The following FGF14 variants were observed in gnomAD, a reference collection of about 807,000 sequenced individuals.
The protein encoded by FGF14 is fibroblast growth factor homologous factor 4.
Under a neutral mutation model 25.5 loss-of-function variants are expected in FGF14, and 5 were observed. The observed-to-expected ratio is 0.20, with a 90% CI of 0.10 to 0.41. The LOEUF (loss-of-function observed/expected upper bound fraction) is 0.41, where lower values mean the gene tolerates loss of function less well. Among genes scored for constraint, FGF14 ranks in the 10% least tolerant of loss-of-function variants. FGF14 has a pLI of 1.00. For synonymous variants in FGF14, 138 were observed against 118.3 expected, an observed-to-expected ratio of 1.17 and a Z score of -1.08; for missense variants, 222 against 320.1, an observed-to-expected ratio of 0.69 and a Z score of 2.34.
intron 1 of FGF14, among the ~76,000 whole-genome samples, chr13:102,305,576 C>CATCAGT (rs1259524151): frequency 9.2e-5 from 14 of 152,276 alleles, no homozygotes; most frequent in African/African-American, 3.4e-4. Context: ...ATTGTAATTA[C>CATCAGT]ATCAGTATTT....
chr13:102,187,588 A>T (rs1034308518), intron 1 of FGF14, among the ~76,000 whole-genome samples: 16 of 152,174 alleles, frequency 1.1e-4, no homozygotes, highest in African/African-American at 3.6e-4. Context: ...TCTTCTCCTC[A>T]TTGCTGCTGC....
intron 1 of FGF14, among the ~76,000 whole-genome samples, chr13:102,114,831 G>T (rs369809636): frequency 7.2e-5 from 11 of 152,090 alleles, no homozygotes; most frequent in African/African-American, 2.7e-4. Flanking sequence ...CTGAGGGAAG[G>T]GGGAGAGGAG....
chr13:102,141,826 T>C (rs2046655172), intron 1 of FGF14, among the ~76,000 whole-genome samples: 1 of 152,160 alleles, frequency 6.6e-6, no homozygotes, highest in Admixed American at 6.6e-5. Flanking sequence ...AGGGCACAAA[T>C]AAGGCTGTTT....
At chr13:102,318,271 C>T (rs1328854648) in intron 1 of FGF14, among the ~76,000 whole-genome samples, 2 of 152,128 alleles carry the variant, frequency 1.3e-5, no homozygotes, top group Admixed American at 1.3e-4. Context: ...CCCTGGGTGC[C>T]ATAGGAGCTG....
intron 3 of FGF14, among the ~76,000 whole-genome samples, chr13:101,761,892 C>G (rs141929593): frequency 6.6e-6 from 1 of 152,168 alleles, no homozygotes; most frequent in Non-Finnish European, 1.5e-5. Context: ...AGGCTCCCAT[C>G]TCTGGGAACA....
chr13:101,842,262 T>C (rs1183397498), intron 3 of FGF14, among the ~76,000 whole-genome samples: 1 of 152,040 alleles, frequency 6.6e-6, no homozygotes, highest in Non-Finnish European at 1.5e-5. Flanking sequence ...TTCATCTTTG[T>C]GCCTCTTCTC....
chr13:101,739,318 G>T (rs766384418), intron 3 of FGF14, among the ~76,000 whole-genome samples: 1 of 151,858 alleles, frequency 6.6e-6, no homozygotes, highest in East Asian at 1.9e-4. Flanking sequence ...TCTTGATCTT[G>T]AGAAGTTAGA....
chr13:101,818,419 T>C (rs1252390283), intron 3 of FGF14, among the ~76,000 whole-genome samples: 1 of 152,194 alleles, frequency 6.6e-6, no homozygotes, highest in Non-Finnish European at 1.5e-5. Flanking sequence ...GGTAGCATCC[T>C]CCCTCCTAGC....
chr13:102,045,376 G>A (rs763798920), intron 1 of FGF14, among the ~76,000 whole-genome samples: 3 of 152,032 alleles, frequency 2.0e-5, no homozygotes, highest in Non-Finnish European at 4.4e-5. Flanking sequence ...TCTCTTTCAC[G>A]AATATTAGGT....
At chr13:101,829,532 A>G (rs1180650917) in intron 3 of FGF14, among the ~76,000 whole-genome samples, 1 of 151,934 alleles carries the variant, frequency 6.6e-6, no homozygotes, top group African/African-American at 2.4e-5. Context: ...TAAAGTGTTC[A>G]CTCTTCAGCT....
chr13:102,159,858 T>C (rs756795793), intron 1 of FGF14, among the ~76,000 whole-genome samples: 1 of 152,206 alleles, frequency 6.6e-6, no homozygotes, highest in African/African-American at 2.4e-5. Context: ...AAATTAGCAT[T>C]TGTAACCAGT....
At chr13:101,865,475 C>T (rs2044654150) in intron 3 of FGF14, among the ~76,000 whole-genome samples, 1 of 152,078 alleles carries the variant, frequency 6.6e-6, no homozygotes, top group African/African-American at 2.4e-5. Flanking sequence ...CATTAAATCT[C>T]TTGTAGCACA....
At chr13:101,776,725 T>A (rs1269552184) in intron 3 of FGF14, among the ~76,000 whole-genome samples, 1 of 152,218 alleles carries the variant, frequency 6.6e-6, no homozygotes, top group Non-Finnish European at 1.5e-5. Context: ...CCTGGTAATT[T>A]ATGTGCAATA....
rs558827107 is a variant in FGF14, at chr13:101,770,981, C to T, written c.409-44171G>A. Among the ~76,000 whole-genome samples, 20 of 152,050 alleles carry T rather than the reference C, an allele frequency of 1.3e-4. 1 individual carries two copies. The South Asian group carries it at 3.7e-3, about 28-fold the overall frequency. On this transcript the variant is annotated intron_variant, in intron 3 of 4. Coordinates refer to ENST00000376143, the MANE Select transcript of FGF14 (RefSeq NM_004115.4). ...CACACAGATTTAAAATTATATTAAA[C>T]TATATTAAATTATATTAAACTATAC...
chr13:102,064,456 C>T (rs1478981268), intron 1 of FGF14, among the ~76,000 whole-genome samples: 1 of 151,908 alleles, frequency 6.6e-6, no homozygotes, highest in African/African-American at 2.4e-5. Context: ...TGGGGTCCTT[C>T]TCCAAGACAG....
intron 1 of FGF14, among the ~76,000 whole-genome samples, chr13:102,161,642 A>G (rs1293933980): frequency 0.031 from 320 of 10,200 alleles, 11 homozygotes; most frequent in Non-Finnish European, 0.04. Flanking sequence ...AAGAAGAAGA[A>G]GAAGAAGAAG....
intron 1 of FGF14, among the ~76,000 whole-genome samples, chr13:102,108,886 T>C (rs570542810): frequency 6.6e-6 from 1 of 152,224 alleles, no homozygotes; most frequent in Non-Finnish European, 1.5e-5. Context: ...TAACACATAT[T>C]GTCCTTATGT....
chr13:102,066,075 C>A (rs903087463), intron 1 of FGF14, among the ~76,000 whole-genome samples: 8 of 151,964 alleles, frequency 5.3e-5, no homozygotes, highest in Non-Finnish European at 1.2e-4. Flanking sequence ...AATGTCAGCA[C>A]AAAATAATAC....
chr13:101,987,323 A>AAC (rs2038641315), intron 1 of FGF14, among the ~76,000 whole-genome samples: 1 of 152,036 alleles, frequency 6.6e-6, no homozygotes, highest in South Asian at 2.1e-4. Context: ...CTGTACTGAG[A>AAC]ACACACTGGT....
Sources: gnomAD v4.1 joint callset for allele counts (sites outside exome capture counted in the v4.1 genomes callset) on GRCh38, gnomAD v4.1.1 for gene constraint, MANE v1.5 for transcripts, NCBI Gene and HGNC (gene_info 2026-07-23, HGNC 2026-07-21) for gene names.